The following USP9Y variants were observed in gnomAD, a reference collection of about 807,000 sequenced individuals.
The protein encoded by USP9Y is ubiquitin specific peptidase 9 Y-linked, also known as ubiquitin carboxyl-terminal hydrolase 9Y.
A neutral mutation model predicts 53.1 loss-of-function variants in USP9Y; 41 were observed. The observed-to-expected ratio is 0.77, with a 90% CI of 0.60 to 1.00. The LOEUF (loss-of-function observed/expected upper bound fraction) is 1.00. USP9Y is among the 50% of genes least tolerant of loss of function. USP9Y has a pLI of 0.00. For missense variants in USP9Y, 567 were observed against 535.8 expected, an observed-to-expected ratio of 1.06 and a Z score of -0.58; for synonymous variants, 220 against 173.7, an observed-to-expected ratio of 1.27 and a Z score of -2.09.
intron 10 of USP9Y, 43 bp downstream of exon 10, chrY:12,736,592 T>C (rs2053452145): frequency 2.7e-6 from 1 of 372,757 alleles, no homozygotes; most frequent in Non-Finnish European, 3.8e-6. Context: ...ACACTGCTTA[T>C]GGAAAATTAC....
At chrY:12,830,058 T>C in intron 33 of USP9Y, among the ~76,000 whole-genome samples, 1 of 33,926 alleles carries the variant, frequency 2.9e-5, no homozygotes, top group South Asian at 6.5e-4. Flanking sequence ...TAGGTATTTA[T>C]AGCAGCTTTA....
At chrY:12,755,374 A>G (rs2053467442) in intron 12 of USP9Y, among the ~76,000 whole-genome samples, 8 of 31,416 alleles carry the variant, frequency 2.5e-4, no homozygotes, top group Admixed American at 5.9e-4. Context: ...TATATTGGTC[A>G]GGCTGGTCTC....
chrY:12,761,023 A>G (rs2053474971), intron 15 of USP9Y, among the ~76,000 whole-genome samples: 3 of 34,512 alleles, frequency 8.7e-5, no homozygotes, highest in Non-Finnish European at 1.5e-4. Flanking sequence ...GTGCAGTGGT[A>G]CAGTCTAAGT....
At chrY:12,833,977 G>T (rs2053552998) in intron 34 of USP9Y, 116 bp downstream of exon 34, 1 of 210,065 alleles carries the variant, frequency 4.8e-6, no homozygotes, top group African/African-American at 8.5e-5. Context: ...CTAGGACTAT[G>T]AATGAATTAA....
At chrY:12,703,069 CT>C (rs2053417383) in intron 1 of USP9Y, among the ~76,000 whole-genome samples, 32 of 29,893 alleles carry the variant, frequency 1.1e-3, no homozygotes, top group Non-Finnish European at 3.3e-4. Flanking sequence ...TCTTATATGA[CT>C]TTTTTTTTTG....
Position 12,786,321 on chromosome Y carries a change from A to G in USP9Y, c.3270A>G (p.Leu1090=). The G allele has an allele frequency of 2.5e-6, 1 of 398,405 alleles. No individual in the cohort carries two copies. Among genetic ancestry groups the G allele is most frequent in the Non-Finnish European group, 3.5e-6 (1 of 283,365 alleles). The change falls in exon 23 of 46, where the codon CTA becomes CTG. Residue 1090 remains leucine, a synonymous_variant. Coordinates refer to ENST00000338981, the MANE Select transcript of USP9Y (RefSeq NM_004654.4). ...TTGGTCCTTCTGCCTCCCAAGTTCT[A>G]TACCTAACAGAGGTTGGTTTTTGCC... The part of the protein sequence containing the change: ...LFFGPSASQV[L]YLTEVVYALL...
chrY:12,739,482 T>A (rs1321114310), intron 11 of USP9Y, 43 bp from the exon 12 acceptor site: 1 of 296,762 alleles, frequency 3.4e-6, no homozygotes, highest in Admixed American at 8.2e-5. Flanking sequence ...ATACTATAAT[T>A]TTTTTTTTGC....
chrY:12,757,332 G>T lies in USP9Y; in HGVS notation c.1563G>T (p.Val521=), dbSNP rs780513974. 1 of 398,018 alleles carries T rather than the reference G, an allele frequency of 2.5e-6. No homozygotes were observed. Among genetic ancestry groups the T allele is most frequent in the South Asian group, 3.0e-5 (1 of 33,734 alleles). The change falls in exon 13 of 46, where the codon GTG becomes GTT. Residue 521 remains valine (V), a synonymous_variant. Coordinates refer to ENST00000338981, the MANE Select transcript of USP9Y (RefSeq NM_004654.4). The part of the protein sequence containing the change: ...LLWNLAQSDD[V]PVDIMDLALS... Reference sequence around the variant, plus strand: ...GGAACCTGGCTCAGAGTGATGATGTGCCTGTAGACATCATGGACCTTGCTC... The same window carrying T: ...GGAACCTGGCTCAGAGTGATGATGTTCCTGTAGACATCATGGACCTTGCTC...
intron 12 of USP9Y, among the ~76,000 whole-genome samples, chrY:12,746,525 T>G (rs768659487): frequency 8.9e-4 from 30 of 33,809 alleles, no homozygotes; most frequent in African/African-American, 3.2e-3. Context: ...CAGTTTCCTT[T>G]GTAAGATTAA....
In USP9Y at chrY:12,833,710, C is replaced by A; in HGVS notation, c.5044C>A (p.Leu1682Ile). ...QFRLWGEPVN[L>I]REQHDALEFF... ...TAGGCTTTGGGGTGAACCTGTTAAT[C>A]TCCGTGAACAACATGATGCCTTAGA... Residue 1682 changes from leucine to isoleucine, a missense_variant, in exon 34 of 46, where the codon CTC becomes ATC. Physicochemically the swap from Leu to Ile is conservative, Grantham distance 5. Transcript: ENST00000338981. 5 of 397,916 alleles carry A rather than the reference C, an allele frequency of 1.3e-5. No individual in the cohort carries two copies. The South Asian group carries it at 1.5e-4, about 12-fold the overall frequency.
chrY:12,854,916 A>G, intron 42 of USP9Y, among the ~76,000 whole-genome samples: 1 of 33,878 alleles, frequency 3.0e-5, no homozygotes, highest in Non-Finnish European at 7.3e-5. Flanking sequence ...TTCAACAGAT[A>G]TATATATCAA....
At chrY:12,828,580 A>C in intron 33 of USP9Y, among the ~76,000 whole-genome samples, 1 of 33,265 alleles carries the variant, frequency 3.0e-5, no homozygotes, top group African/African-American at 1.2e-4. Context: ...GTTGAATGCA[A>C]ATTCATTATT....
chrY:12,731,226 A>C (rs2053446932), intron 7 of USP9Y, among the ~76,000 whole-genome samples: 1 of 32,764 alleles, frequency 3.1e-5, no homozygotes, highest in Non-Finnish European at 7.5e-5. Context: ...TATAATTTTC[A>C]CTATTCTTAG....
chrY:12,824,583 A>G, intron 33 of USP9Y, among the ~76,000 whole-genome samples: 2 of 33,594 alleles, frequency 6.0e-5, no homozygotes, highest in African/African-American at 1.2e-4. Context: ...TCACTAACCA[A>G]GAAAAGTTGA....
At position 12,720,609 on chromosome Y, in the gene USP9Y, C is replaced by G; in HGVS notation, c.117C>G (p.Ser39=). The G allele has an allele frequency of 2.5e-6, 1 of 396,669 alleles. No individual in the cohort carries two copies. The highest frequency in any genetic ancestry group is 3.5e-6 in the Non-Finnish European group (1 of 282,204). ...QQNQTSSPDS[S]NENSVATPPP... ...TTAAGACTTCATCACCTGATTCTTC[C>G]AATGAGAATTCCGTAGCAACTCCTC... Residue 39 remains serine, a synonymous_variant, in exon 4 of 46, where the codon TCC becomes TCG. Transcript: ENST00000338981.
At chrY:12,725,015 G>A (rs2053439933) in intron 5 of USP9Y, 98 bp from the exon 6 acceptor site, 3 of 194,399 alleles carry the variant, frequency 1.5e-5, no homozygotes, top group Non-Finnish European at 2.8e-5. Context: ...CACTATTTGT[G>A]AATTGGAGAC....
chrY:12,771,430 G>A, intron 16 of USP9Y, among the ~76,000 whole-genome samples: 1 of 33,699 alleles, frequency 3.0e-5, no homozygotes, highest in African/African-American at 1.2e-4. Flanking sequence ...AATGGGATAA[G>A]TAAAGTTGTC....
intron 25 of USP9Y, 122 bp downstream of exon 25, chrY:12,790,654 C>T: frequency 5.6e-6 from 1 of 178,263 alleles, no homozygotes; most frequent in Non-Finnish European, 9.7e-6. Flanking sequence ...GTCTCTATCT[C>T]AATTTATTTA....
chrY:12,794,489 T>C, intron 27 of USP9Y, among the ~76,000 whole-genome samples: 1 of 34,160 alleles, frequency 2.9e-5, no homozygotes, highest in South Asian at 6.4e-4. Flanking sequence ...TTCATGAAGT[T>C]TAATTTATGT....
Sources: gnomAD v4.1 joint callset for allele counts (sites outside exome capture counted in the v4.1 genomes callset) on GRCh38, gnomAD v4.1.1 for gene constraint, MANE v1.5 for transcripts, NCBI Gene and HGNC (gene_info 2026-07-23, HGNC 2026-07-21) for gene names.